Variants in TBX5 observed in about 807,000 individuals in gnomAD.
TBX5 encodes T-box transcription factor TBX5.
In TBX5, 8 loss-of-function variants were observed where a neutral mutation model predicts 51.1. The ratio of observed to expected loss-of-function variants is 0.16; its 90% CI spans 0.09 to 0.28. TBX5 has a LOEUF of 0.28. TBX5 is among the 10% of genes least tolerant of loss of function. The pLI is 1.00. For synonymous variants in TBX5, 302 were observed against 266.4 expected (o/e 1.13, Z -1.30); for missense variants, 589 against 671.7 (o/e 0.88, Z 1.36).
chr12:114,383,857 T>C (rs1219282711), intron 7 of TBX5, among the ~76,000 whole-genome samples: 2 of 152,110 alleles, frequency 1.3e-5, no homozygotes, highest in East Asian at 3.9e-4. Flanking sequence ...TGGGAATGGG[T>C]GATCTCCCTT....
intron 6 of TBX5, among the ~76,000 whole-genome samples, chr12:114,394,314 G>C (rs1252883027): frequency 6.6e-6 from 1 of 152,112 alleles, no homozygotes; most frequent in Non-Finnish European, 1.5e-5. Context: ...GTGAGACCCT[G>C]TCTCGGAGTG....
chr12:114,380,118 T>C (rs539315034), intron 7 of TBX5, among the ~76,000 whole-genome samples: 1 of 152,190 alleles, frequency 6.6e-6, no homozygotes, highest in East Asian at 1.9e-4. Flanking sequence ...CAGATTCAGG[T>C]CCCATTCTCT....
upstream of TBX5, chr12:114,408,281 T>G (rs888523100): frequency 2.7e-5 from 24 of 903,814 alleles, no homozygotes; most frequent in Non-Finnish European, 3.0e-5. Context: ...TCCGGAGGAA[T>G]GAGGGTGATG....
intron 7 of TBX5, among the ~76,000 whole-genome samples, chr12:114,373,087 G>A (rs1009221098): frequency 2.6e-5 from 4 of 151,750 alleles, no homozygotes; most frequent in Admixed American, 2.0e-4. Context: ...TGGAGCAGAG[G>A]TTCTTACCCA....
At chr12:114,399,657 G>C in intron 3 of TBX5, 25 bp from the exon 4 acceptor site, 3 of 1,614,062 alleles carry the variant, frequency 1.9e-6, no homozygotes, top group Non-Finnish European at 2.5e-6. Context: ...CGGAGGGAGA[G>C]AGGGGGGCGG....
chr12:114,365,700 C>A (rs1159049133), intron 8 of TBX5, among the ~76,000 whole-genome samples: 3 of 151,756 alleles, frequency 2.0e-5, no homozygotes, highest in Admixed American at 2.0e-4. Context: ...TGTGTGAACG[C>A]ATGCCTATAG....
At chr12:114,387,950 C>T (rs981984938) in intron 6 of TBX5, among the ~76,000 whole-genome samples, 1 of 152,144 alleles carries the variant, frequency 6.6e-6, no homozygotes, top group Non-Finnish European at 1.5e-5. Context: ...AATCCTCCTG[C>T]CTCGGCATCC....
chr12:114,397,042 C>T (rs1365723162), intron 5 of TBX5, among the ~76,000 whole-genome samples: 1 of 152,076 alleles, frequency 6.6e-6, no homozygotes, highest in Non-Finnish European at 1.5e-5. Context: ...CAGTGTGGAC[C>T]CCTGAGATCC....
rs1005831472 is a variant in TBX5 at position 114,393,212 on chromosome 12, C to G, written c.663+1529G>C. On this transcript the variant is annotated intron_variant, in intron 6 of 8. Transcript: ENST00000405440. ...CTTCTCCGGCCTCTCCTGTCCAGTC[C>G]CCAGCTCCTGCAGTTCCCCCTCCAC... Among the ~76,000 whole-genome samples the G allele has an allele frequency of 5.1e-4, 78 of 152,214 alleles. 1 individual carries two copies. The highest frequency in any genetic ancestry group is 5.1e-3 in the Admixed American group (78 of 15,298).
intron 7 of TBX5, among the ~76,000 whole-genome samples, chr12:114,372,583 G>A (rs1009614485): frequency 6.6e-6 from 1 of 151,642 alleles, no homozygotes; most frequent in Admixed American, 6.6e-5. Context: ...TGGGATAATA[G>A]ACATGAGCCA....
At chr12:114,397,778 G>GA (rs141432891) in intron 5 of TBX5, among the ~76,000 whole-genome samples, 3,437 of 151,708 alleles carry the variant, frequency 0.023, 126 homozygotes, top group African/African-American at 0.078. Context: ...CTGGTTGTTG[G>GA]AAAAAAAACA....
intron 7 of TBX5, among the ~76,000 whole-genome samples, chr12:114,370,661 C>G (rs79938288): frequency 7.5e-6 from 1 of 133,998 alleles, no homozygotes; most frequent in South Asian, 2.4e-4. Context: ...CTCTCTCTCT[C>G]TCTATCTATC....
chr12:114,378,993 C>A (rs895648404), intron 7 of TBX5, among the ~76,000 whole-genome samples: 1 of 152,190 alleles, frequency 6.6e-6, no homozygotes, highest in Non-Finnish European at 1.5e-5. Flanking sequence ...AGTCTGAACA[C>A]CCTGAGTCTG....
rs766170094 is a variant in TBX5 at position 114,403,876 on chromosome 12, A to G, written c.23T>C (p.Phe8Ser). The G allele has an allele frequency of 4.3e-6, 7 of 1,613,324 alleles. No individual in the cohort carries two copies. The highest frequency in any genetic ancestry group is 5.1e-6 in the Non-Finnish European group (6 of 1,179,940). The change falls in exon 2 of 9, where the codon TTT becomes TCT. Residue 8 changes from phenylalanine to serine, a missense_variant. Physicochemically the swap from Phe to Ser is radical, Grantham distance 155. Transcript: ENST00000405440. Reference protein sequence around the residue: MADADEGFGLAHTPLEPD... With the variant: MADADEGSGLAHTPLEPD... ...CTCCAGAGGCGTGTGCGCCAGGCCA[A>G]AGCCCTCGTCTGCGTCGGCCATGGT...
At chr12:114,379,250 C>T (rs1870374192) in intron 7 of TBX5, among the ~76,000 whole-genome samples, 2 of 152,206 alleles carry the variant, frequency 1.3e-5, no homozygotes, top group South Asian at 4.1e-4. Context: ...CCTGCTTCCC[C>T]TTGCACACAA....
intron 7 of TBX5, among the ~76,000 whole-genome samples, chr12:114,374,498 A>T (rs1376632439): frequency 6.6e-6 from 1 of 152,208 alleles, no homozygotes; most frequent in Non-Finnish European, 1.5e-5. Context: ...TTCCACAAAG[A>T]GTATACACTG....
intron 7 of TBX5, among the ~76,000 whole-genome samples, chr12:114,378,316 A>G (rs1267738332): frequency 6.6e-6 from 1 of 152,190 alleles, no homozygotes; most frequent in African/African-American, 2.4e-5. Context: ...TGGTTACAAG[A>G]AGATGAGCAG....
chr12:114,407,273 A>G (rs983942315), upstream of TBX5, among the ~76,000 whole-genome samples: 1 of 152,204 alleles, frequency 6.6e-6, no homozygotes, highest in African/African-American at 2.4e-5. Context: ...TTGCAAACAG[A>G]TATTTTCCCT....
intron 7 of TBX5, among the ~76,000 whole-genome samples, chr12:114,380,393 T>C (rs1400178917): frequency 6.6e-6 from 1 of 152,192 alleles, no homozygotes; most frequent in East Asian, 1.9e-4. Flanking sequence ...TTGACAATGT[T>C]CCCCAAACCT....
Sources: gnomAD v4.1 joint callset for allele counts (sites outside exome capture counted in the v4.1 genomes callset) on GRCh38, gnomAD v4.1.1 for gene constraint, MANE v1.5 for transcripts, NCBI Gene and HGNC (gene_info 2026-07-23, HGNC 2026-07-21) for gene names.